LIG1: variants seen among roughly 807,000 people sequenced by gnomAD.
The protein encoded by LIG1 is DNA ligase 1, also known as ligase I, DNA, ATP-dependent.
Under a neutral mutation model 115.7 loss-of-function variants are expected in LIG1, and 70 were observed. That is an observed-to-expected ratio of 0.60 (90% CI 0.50 to 0.74). The LOEUF is 0.74. LIG1 is among the 30% of genes least tolerant of loss of function. LIG1 has a pLI of 0.00. For missense variants in LIG1, 1,115 were observed against 1,225.6 expected, an observed-to-expected ratio of 0.91 and a Z score of 1.35; for synonymous variants, 487 against 495.3, an observed-to-expected ratio of 0.98 and a Z score of 0.22.
intron 4 of LIG1, among the ~76,000 whole-genome samples, chr19:48,157,583 C>T (rs1455553810): frequency 2.0e-5 from 3 of 152,080 alleles, no homozygotes; most frequent in East Asian, 1.9e-4. Flanking sequence ...GTCATTCTGT[C>T]GCCCAGGCTG....
At chr19:48,158,888 C>G (rs1480283757) in intron 4 of LIG1, among the ~76,000 whole-genome samples, 2 of 152,198 alleles carry the variant, frequency 1.3e-5, no homozygotes, top group Non-Finnish European at 2.9e-5. Context: ...AGCTCAAAAG[C>G]CACAGGGATG....
At chr19:48,153,687 C>CAT (rs2035624942) in intron 6 of LIG1, among the ~76,000 whole-genome samples, 185 bp downstream of exon 6, 1 of 129,978 alleles carries the variant, frequency 7.7e-6, no homozygotes, top group Non-Finnish European at 1.6e-5. Context: ...CACACACACA[C>CAT]ACACCTCTCC....
At chr19:48,118,325 G>C (rs980667685) in intron 25 of LIG1, 1 of 175,722 alleles carries the variant, frequency 5.7e-6, no homozygotes, top group Admixed American at 5.5e-5. Context: ...TGAACGATGG[G>C]GGCAGGTTTT....
rs1165342678 is a variant in LIG1, at chr19:48,115,659, T to C, written c.2750A>G (p.Asp917Gly). Reference protein sequence around the residue: ...QGEDSGSDPEDTY With the variant: ...QGEDSGSDPEGTY ...TAGGAGGGCGAGGGCTTAGTAGGTATCTTCAGGGTCAGAGCCTGAGTCCTC... is the reference window on the plus strand; with the variant it reads ...TAGGAGGGCGAGGGCTTAGTAGGTACCTTCAGGGTCAGAGCCTGAGTCCTC... The change falls in exon 28 of 28, where the codon GAT becomes GGT. Residue 917 changes from aspartate (D) to glycine (G), a missense_variant. Asp to Gly is a moderately conservative substitution (Grantham distance 94). Transcript: ENST00000263274. 12 of 1,613,308 alleles carry C rather than the reference T, an allele frequency of 7.4e-6. No individual in the cohort carries two copies. The highest frequency in any genetic ancestry group is 9.3e-6 in the Non-Finnish European group (11 of 1,179,326).
chr19:48,161,439 T>C lies in LIG1; in HGVS notation c.176A>G (p.Lys59Arg), dbSNP rs577711239. 6.2e-7 allele frequency: 1 copy of C among 1,614,150 alleles called. No homozygotes were observed. Among genetic ancestry groups the C allele is most frequent in the Admixed American group, 1.7e-5 (1 of 60,012 alleles). ...TTCGCTGCCCAGGACCCGGGCCGCC[T>C]TCCTCCCTGGCCTCTTCACCGGAGA... ...SDSPVKRPGR[K>R]AARVLGSEGE... Residue 59 changes from lysine (K) to arginine (R), a missense_variant, in exon 4 of 28, where the codon AAG (lysine) becomes AGG (arginine). Physicochemically the swap from Lys to Arg is conservative, Grantham distance 26. Transcript: ENST00000263274.
chr19:48,123,137 G>A (rs118108412), intron 22 of LIG1, 37 bp downstream of exon 22: 21 of 1,613,586 alleles, frequency 1.3e-5, no homozygotes, highest in Non-Finnish European at 1.8e-5. Context: ...GTCAGCGCAA[G>A]CTGCAGACCT....
chr19:48,151,392 G>A, intron 6 of LIG1, 53 bp from the exon 7 acceptor site: 7 of 1,131,186 alleles, frequency 6.2e-6, no homozygotes, highest in South Asian at 1.2e-5. Context: ...GAACCTACAA[G>A]GGCATTTTGA....
At chr19:48,138,639 C>T (rs2034549290) in intron 12 of LIG1, among the ~76,000 whole-genome samples, 3 of 152,112 alleles carry the variant, frequency 2.0e-5, no homozygotes, top group Non-Finnish European at 4.4e-5. Context: ...CAAGGCGGCA[C>T]GGAGAGCAGT....
At chr19:48,133,479 TC>T in intron 17 of LIG1, 1 of 315,318 alleles carries the variant, frequency 3.2e-6, no homozygotes, top group Non-Finnish European at 6.1e-6. Context: ...GGAACCTGGG[TC>T]CCCGGGTCAT....
At chr19:48,148,416 A>C (rs1034705195) in intron 9 of LIG1, among the ~76,000 whole-genome samples, 1 of 151,406 alleles carries the variant, frequency 6.6e-6, no homozygotes, top group African/African-American at 2.4e-5. Context: ...TTGAAGGTGC[A>C]ATGAGCTGAG....
At position 48,150,072 on chromosome 19, in the gene LIG1, A is replaced by G. The variant is rs199915273; in HGVS notation, c.697+16T>C. 43 of 1,614,102 alleles carry G rather than the reference A, an allele frequency of 2.7e-5. No homozygotes were observed. In the East Asian group the frequency reaches 4.9e-4, roughly 18 times the overall value. On this transcript the variant is annotated intron_variant, in intron 8 of 27. Coordinates refer to ENST00000263274, the MANE Select transcript of LIG1 (RefSeq NM_000234.3). ...CTGTACAACCCCGGGAGGTGGGGTG[A>G]GCAAGGGAAACTCACTGAAGAAGCT...
At chr19:48,135,015 A>G (rs1415979235) in intron 16 of LIG1, among the ~76,000 whole-genome samples, 2 of 152,118 alleles carry the variant, frequency 1.3e-5, no homozygotes, top group Non-Finnish European at 2.9e-5. Context: ...TGTCCTCTCC[A>G]TGACTGTCAA....
intron 24 of LIG1, among the ~76,000 whole-genome samples, chr19:48,119,944 G>A (rs541694522): frequency 3.9e-5 from 6 of 152,174 alleles, no homozygotes; most frequent in Non-Finnish European, 7.3e-5. Context: ...CGCAGCAAGT[G>A]GGCAATAATC....
chr19:48,128,807 G>C (rs1386575200), intron 19 of LIG1, among the ~76,000 whole-genome samples: 1 of 152,236 alleles, frequency 6.6e-6, no homozygotes, highest in Non-Finnish European at 1.5e-5. Flanking sequence ...CTGTCGCCCA[G>C]GCTGCAGTGC....
In LIG1 at chr19:48,140,737, T is replaced by G. The variant is rs993806349; in HGVS notation, c.915-594A>C. On this transcript the variant is annotated intron_variant, in intron 11 of 27. Transcript: ENST00000263274. ...TAATCTGGCTCAACAAGTTCTGCCA[T>G]CCCACCCAGGAACAGAAGACAGCAA... Among the ~76,000 whole-genome samples the G allele has an allele frequency of 2.0e-5, 3 of 152,072 alleles. No homozygotes were observed. The East Asian group carries it at 5.8e-4, about 29-fold the overall frequency.
chr19:48,141,029 G>A lies in LIG1; in HGVS notation c.915-886C>T, dbSNP rs1447861676. ...GTGAACCCACCGGACGGTTACAGTG[G>A]GGGAGTAACTTGGTGTGACGGTAAC... On this transcript the variant is annotated intron_variant, in intron 11 of 27. Coordinates refer to ENST00000263274, the MANE Select transcript of LIG1 (RefSeq NM_000234.3). 2.0e-5 allele frequency among the ~76,000 whole-genome samples: 3 copies of A among 152,212 alleles called. No individual in the cohort carries two copies. The South Asian group carries it at 6.2e-4, about 31-fold the overall frequency.
At position 48,170,279 on chromosome 19, in the gene LIG1, C is replaced by T. The variant is rs1407575184; in HGVS notation, c.-96G>A. On this transcript the variant is annotated 5_prime_UTR_variant, in exon 1 of 28. In the 5' UTR this introduces an upstream ATG that the reference lacks. Coordinates refer to ENST00000263274, the MANE Select transcript of LIG1 (RefSeq NM_000234.3). ...CGCGCGCCGCTGCCCGGGCAACACA[C>T]TCAGATCCGCCAGGCGCGCCTCTGC... is the stretch of plus-strand genomic sequence containing the variant. 1 of 454,890 alleles carries T rather than the reference C, an allele frequency of 2.2e-6. No homozygotes were observed. Among genetic ancestry groups the T allele is most frequent in the Non-Finnish European group, 4.4e-6 (1 of 226,192 alleles). 28.2% of individuals were successfully genotyped at this position (454,890 alleles called of 1,614,324 possible).
chr19:48,135,847 T>C, intron 15 of LIG1, 68 bp from the exon 16 acceptor site: 3 of 1,417,264 alleles, frequency 2.1e-6, no homozygotes, highest in Non-Finnish European at 3.0e-6. Flanking sequence ...GTGCAGTGGG[T>C]GGTTTGCTGT....
intron 1 of LIG1, among the ~76,000 whole-genome samples, chr19:48,169,157 C>T (rs1334405587): frequency 6.6e-6 from 1 of 152,158 alleles, no homozygotes; most frequent in Non-Finnish European, 1.5e-5. Context: ...CTCCGAATGA[C>T]AAAACTAGAG....
Sources: allele counts gnomAD v4.1 joint callset (sites outside exome capture counted in the v4.1 genomes callset), GRCh38; gene constraint gnomAD v4.1.1; transcripts MANE v1.5; gene names NCBI Gene and HGNC (gene_info 2026-07-23, HGNC 2026-07-21).